The following EIF3E variants were observed in gnomAD, a reference collection of about 807,000 sequenced individuals.
EIF3E encodes the protein eukaryotic translation initiation factor 3 subunit E, also known as eIF-3 p48.
A neutral mutation model predicts 59.3 loss-of-function variants in EIF3E; 25 were observed. The observed-to-expected ratio is 0.42, with a 90% CI of 0.31 to 0.59. The LOEUF (loss-of-function observed/expected upper bound fraction) is 0.59, where lower values mean the gene tolerates loss of function less well. EIF3E is among the 20% of genes least tolerant of loss of function. The pLI is 0.15. For missense variants in EIF3E, 317 were observed against 534.3 expected, an observed-to-expected ratio of 0.59 and a Z score of 4.01; for synonymous variants, 176 against 170.2, an observed-to-expected ratio of 1.03 and a Z score of -0.26.
chr8:108,214,520 G>T, intron 10 of EIF3E, 87 bp downstream of exon 10: 2 of 917,494 alleles, frequency 2.2e-6, no homozygotes, highest in Admixed American at 3.2e-5. Context: ...CAATTAACTG[G>T]AATTCTATTA....
At chr8:108,230,591 A>G (rs893988438) in intron 5 of EIF3E, among the ~76,000 whole-genome samples, 1 of 152,146 alleles carries the variant, frequency 6.6e-6, no homozygotes, top group Non-Finnish European at 1.5e-5. Flanking sequence ...CAAATGTACT[A>G]AATAACATTT....
intron 10 of EIF3E, among the ~76,000 whole-genome samples, chr8:108,208,586 C>G (rs1815149140): frequency 1.3e-5 from 2 of 152,016 alleles, no homozygotes; most frequent in South Asian, 4.1e-4. Flanking sequence ...GCCTTTGAAA[C>G]TGTTTGTCTC....
intron 5 of EIF3E, among the ~76,000 whole-genome samples, chr8:108,233,836 C>CAAAA (rs35065360): frequency 1.4e-5 from 1 of 74,022 alleles, no homozygotes; most frequent in Non-Finnish European, 2.4e-5. Context: ...GACCCTGTCT[C>CAAAA]AAAAAAAAAA....
At chr8:108,225,463 A>G (rs1815500851) in intron 7 of EIF3E, among the ~76,000 whole-genome samples, 1 of 151,440 alleles carries the variant, frequency 6.6e-6, no homozygotes, top group African/African-American at 2.5e-5. Flanking sequence ...GAATGATACT[A>G]TAAAATCATG....
chr8:108,238,602 G>C (rs1815780349), intron 3 of EIF3E, among the ~76,000 whole-genome samples: 1 of 152,120 alleles, frequency 6.6e-6, no homozygotes, highest in African/African-American at 2.4e-5. Context: ...CACAGATGCA[G>C]AACAGAGAGC....
chr8:108,245,884 T>C (rs1053479696), intron 1 of EIF3E, among the ~76,000 whole-genome samples: 3 of 152,234 alleles, frequency 2.0e-5, no homozygotes, highest in African/African-American at 7.2e-5. Flanking sequence ...GAAACTGTTT[T>C]TCTCTTGGTG....
intron 2 of EIF3E, among the ~76,000 whole-genome samples, chr8:108,240,905 G>A (rs922958951): frequency 1.9e-4 from 29 of 151,914 alleles, no homozygotes; most frequent in African/African-American, 3.6e-4. Context: ...GCGTGAACCC[G>A]GGAGGCGGAG....
intron 7 of EIF3E, among the ~76,000 whole-genome samples, chr8:108,220,440 A>G (rs2129875442): frequency 6.6e-6 from 1 of 152,378 alleles, no homozygotes; most frequent in South Asian, 2.1e-4. Flanking sequence ...CTATTTAGCA[A>G]TGAAGGTCTC....
At position 108,226,916 on chromosome 8, in the gene EIF3E, G is replaced by C. The variant is rs557516785; in HGVS notation, c.722+1351C>G. Among the ~76,000 whole-genome samples, 10 of 152,236 alleles carry C rather than the reference G, an allele frequency of 6.6e-5. No homozygotes were observed. In the South Asian group the frequency reaches 2.1e-3, roughly 32 times the overall value. On this transcript the variant is annotated intron_variant, in intron 7 of 12. Coordinates refer to ENST00000220849, the MANE Select transcript of EIF3E (RefSeq NM_001568.3). ...GTATATAGTATTTCCTAATGATTTA[G>C]AATTCTTATTATTTCATTTGTCATA... is the stretch of plus-strand genomic sequence containing the variant.
At chr8:108,241,516 A>T (rs912416876) in intron 2 of EIF3E, among the ~76,000 whole-genome samples, 1 of 152,220 alleles carries the variant, frequency 6.6e-6, no homozygotes, top group African/African-American at 2.4e-5. Context: ...CAACATTCTC[A>T]GATAATTCTA....
chr8:108,218,605 C>T (rs555920853), intron 7 of EIF3E, among the ~76,000 whole-genome samples: 1 of 152,018 alleles, frequency 6.6e-6, no homozygotes, highest in East Asian at 1.9e-4. Flanking sequence ...AACACACTGG[C>T]TAAATTACAT....
intron 10 of EIF3E, among the ~76,000 whole-genome samples, chr8:108,205,524 TTC>T (rs1815083879): frequency 6.6e-6 from 1 of 152,208 alleles, no homozygotes; most frequent in Non-Finnish European, 1.5e-5. Flanking sequence ...TTTCTGTGGT[TTC>T]TGTTATCAGC....
intron 1 of EIF3E, among the ~76,000 whole-genome samples, chr8:108,246,295 G>C (rs1000208816): frequency 7.2e-6 from 1 of 139,188 alleles, no homozygotes; most frequent in Non-Finnish European, 1.6e-5. Context: ...GGGGGGGGGG[G>C]GCTGCTGTAT....
At position 108,228,297 on chromosome 8, in the gene EIF3E, T is replaced by A; in HGVS notation, c.692A>T (p.Asn231Ile). ...VFFNHPKGRD[N>I]IIDLFLYQPQ... ...CTGATAAAGGAAGAGGTCAATAATA[T>A]TATCGCGACCTTTGGGGTGATTGAA... Residue 231 changes from asparagine to isoleucine, a missense_variant, in exon 7 of 13, where the codon AAT becomes ATT. Asn to Ile is a moderately radical substitution (Grantham distance 149). Transcript: ENST00000220849. 2 of 1,605,494 alleles carry A rather than the reference T, an allele frequency of 1.2e-6. No homozygotes were observed. The highest frequency in any genetic ancestry group is 1.7e-6 in the Non-Finnish European group (2 of 1,175,672).
intron 10 of EIF3E, among the ~76,000 whole-genome samples, chr8:108,208,178 T>C (rs1815137790): frequency 6.6e-6 from 1 of 152,102 alleles, no homozygotes; most frequent in Non-Finnish European, 1.5e-5. Context: ...AAATAAGGCC[T>C]GGGGATCTGA....
At chr8:108,243,782 G>A (rs942350090) in intron 1 of EIF3E, among the ~76,000 whole-genome samples, 2 of 151,298 alleles carry the variant, frequency 1.3e-5, no homozygotes, top group South Asian at 4.2e-4. Flanking sequence ...TTGTATGAAT[G>A]AACGTCATAT....
At chr8:108,237,029 A>G (rs569188860) in intron 3 of EIF3E, among the ~76,000 whole-genome samples, 1 of 152,264 alleles carries the variant, frequency 6.6e-6, no homozygotes, top group South Asian at 2.1e-4. Flanking sequence ...CTCAAAAAAA[A>G]ATAATAAATA....
chr8:108,246,264 T>C (rs901321570), intron 1 of EIF3E, among the ~76,000 whole-genome samples: 5 of 118,790 alleles, frequency 4.2e-5, no homozygotes, highest in South Asian at 3.4e-4. Context: ...ACTGCAGAAA[T>C]TGAAACTGCT....
chr8:108,203,406 T>C lies in EIF3E; in HGVS notation c.1159A>G (p.Lys387Glu). Reference sequence around the variant, plus strand: ...ATAGCTAACATAATACTCACTAATTTAGAATCAATCTTGGCATCCAGTCTT... The same window carrying C: ...ATAGCTAACATAATACTCACTAATTCAGAATCAATCTTGGCATCCAGTCTT... The part of the protein sequence containing the change: ...NARLDAKIDS[K>E]LGHVVMGNNA... The change falls in exon 11 of 13, where the codon AAA (lysine) becomes GAA (glutamate). Residue 387 changes from lysine (K) to glutamate (E), a missense_variant. By Grantham distance (56) the Lys-to-Glu change is moderately conservative. This residue lies in a region of EIF3E where 45 missense variants were observed against 97.8 expected (regional missense o/e 0.46). Transcript: ENST00000220849. The C allele has an allele frequency of 6.2e-7, 1 of 1,611,060 alleles. No individual in the cohort carries two copies. Among genetic ancestry groups the C allele is most frequent in the Non-Finnish European group, 8.5e-7 (1 of 1,178,214 alleles).
Sources: gnomAD v4.1 joint callset for allele counts (sites outside exome capture counted in the v4.1 genomes callset) on GRCh38, gnomAD v4.1.1 for gene constraint, gnomAD v4.1.1 regional missense constraint, MANE v1.5 for transcripts, NCBI Gene and HGNC (gene_info 2026-07-23, HGNC 2026-07-21) for gene names.